NCOR2: variants seen among roughly 807,000 people sequenced by gnomAD.
The protein encoded by NCOR2 is nuclear receptor corepressor 2, also known as CTG repeat protein 26.
A neutral mutation model predicts 262.9 loss-of-function variants in NCOR2; 81 were observed. That is an observed-to-expected ratio of 0.31 (90% CI 0.26 to 0.37). The LOEUF (loss-of-function observed/expected upper bound fraction) is 0.37. NCOR2 is among the 10% of genes least tolerant of loss of function. NCOR2 has a pLI of 1.00. For missense variants in NCOR2, 3,385 were observed against 3,621.4 expected (o/e 0.93, Z 1.68); for synonymous variants, 1,659 against 1,559.3 (o/e 1.06, Z -1.51).
At chr12:124,491,529 G>A (rs1183917122) in intron 1 of NCOR2, among the ~76,000 whole-genome samples, 1 of 152,204 alleles carries the variant, frequency 6.6e-6, no homozygotes, top group Non-Finnish European at 1.5e-5. Context: ...GCATAGAGAG[G>A]TTAAGTAACT....
chr12:124,379,847 A>C (rs1449272389), intron 17 of NCOR2, among the ~76,000 whole-genome samples: 6 of 152,256 alleles, frequency 3.9e-5, no homozygotes, highest in Admixed American at 3.9e-4. Context: ...ATTCAGGGAC[A>C]CGAAGGCCCT....
At chr12:124,474,005 A>G (rs946086451) in intron 3 of NCOR2, among the ~76,000 whole-genome samples, 3 of 152,148 alleles carry the variant, frequency 2.0e-5, no homozygotes, top group African/African-American at 7.2e-5. Flanking sequence ...TGCTACATGA[A>G]TGGTTTCCCA....
chr12:124,355,496 G>A, exon 24 of NCOR2: 2 of 1,611,052 alleles, frequency 1.2e-6, no homozygotes, highest in Non-Finnish European at 1.7e-6. Flanking sequence ...GATGAGGGGA[G>A]GCGGGTTGGA....
At chr12:124,528,717 A>G (rs1285287580) in intron 1 of NCOR2, among the ~76,000 whole-genome samples, 1 of 152,220 alleles carries the variant, frequency 6.6e-6, no homozygotes, top group African/African-American at 2.4e-5. Flanking sequence ...AATTCTTGGC[A>G]TGACCCTCTG....
chr12:124,371,732 C>T (rs1041648381), intron 20 of NCOR2, among the ~76,000 whole-genome samples: 1 of 152,120 alleles, frequency 6.6e-6, no homozygotes, highest in Non-Finnish European at 1.5e-5. Flanking sequence ...CCCTAGGAAG[C>T]GAGCAGGCTG....
chr12:124,354,771 C>G (rs2271140), intron 25 of NCOR2, 66 bp downstream of exon 27: 3 of 1,492,028 alleles, frequency 2.0e-6, no homozygotes, highest in Non-Finnish European at 2.8e-6. Context: ...CTTCCTCCCC[C>G]GCCCCACCCA....
At chr12:124,327,464 A>C in exon 45 of NCOR2, 1 of 1,613,266 alleles carries the variant, frequency 6.2e-7, no homozygotes, top group Non-Finnish European at 8.5e-7. Flanking sequence ...TGGGCATAGC[A>C]GCGGGCAGGC....
At chr12:124,345,070 C>T in intron 31 of NCOR2, 119 bp from the exon 34 acceptor site, 1 of 916,854 alleles carries the variant, frequency 1.1e-6, no homozygotes, top group Non-Finnish European at 1.6e-6. Flanking sequence ...CATCTGATGC[C>T]TCCAGAGGCA....
intron 16 of NCOR2, among the ~76,000 whole-genome samples, chr12:124,393,699 T>C (rs1412660878): frequency 6.6e-6 from 1 of 152,232 alleles, no homozygotes; most frequent in Non-Finnish European, 1.5e-5. Context: ...AAATCCCAGC[T>C]CTACCACTTC....
Position 124,457,067 on chromosome 12 carries a change from C to T in NCOR2, c.762+39G>A, listed in dbSNP as rs764994034. ...CCCTGCCCACCTCTCCAGCCACCCC[C>T]GCCCTCCCCTGAGCCCCTGACCCTG... On this transcript the variant is annotated intron_variant, in intron 6 of 46. Coordinates refer to ENST00000405201, the Ensembl canonical transcript of NCOR2. The surrounding 1 kb of genome is among the most constrained non-coding windows in gnomAD (Gnocchi z 4.0). 39 of 1,267,188 alleles carry T rather than the reference C, an allele frequency of 3.1e-5. 1 individual carries two copies. In the Middle Eastern group the frequency reaches 8.1e-4, roughly 26 times the overall value. 78.5% of individuals were successfully genotyped at this position (1,267,188 alleles called of 1,614,324 possible). A position where few individuals can be genotyped will look rare whatever the true frequency, so the allele number is the denominator to read the frequency against.
intron 19 of NCOR2, 76 bp downstream of exon 21, chr12:124,374,337 T>C (rs1006286704): frequency 3.3e-5 from 48 of 1,471,656 alleles, no homozygotes; most frequent in Non-Finnish European, 4.4e-5. Context: ...GCGGGGTTCC[T>C]TGTGGAGGAC....
At chr12:124,371,928 C>T in intron 20 of NCOR2, 94 bp downstream of exon 22, 1 of 1,292,348 alleles carries the variant, frequency 7.7e-7, no homozygotes, top group Non-Finnish European at 1.0e-6. Flanking sequence ...CCAAAGCAGG[C>T]AGAGCCAGAC....
chr12:124,511,576 G>A (rs2049396738), intron 1 of NCOR2, among the ~76,000 whole-genome samples: 1 of 152,196 alleles, frequency 6.6e-6, no homozygotes, highest in South Asian at 2.1e-4. Flanking sequence ...TCTGGGTCCT[G>A]TCCCCTTAGC....
In NCOR2 at chr12:124,523,259, C is replaced by T. The variant is rs2050283797; in HGVS notation, c.-118+12306G>A. On this transcript the variant is annotated intron_variant, in intron 1 of 46. Coordinates refer to the NCOR2 transcript ENST00000404621. This position sits in a 1 kb window ranked among gnomAD's most constrained non-coding sequence, Gnocchi z 4.0. ...TTGCTCACTCAAGACTCACTTCCAA[C>T]TGCAGCACCATCCGGCACGCCAGAA... 6.6e-6 allele frequency among the ~76,000 whole-genome samples: 1 copy of T among 152,232 alleles called. No homozygotes were observed. The highest frequency in any genetic ancestry group is 1.5e-5 in the Non-Finnish European group (1 of 68,044).
At chr12:124,458,337 G>T (rs1243885) in intron 5 of NCOR2, among the ~76,000 whole-genome samples, 2 of 152,150 alleles carry the variant, frequency 1.3e-5, no homozygotes, top group East Asian at 3.9e-4. Flanking sequence ...GGCGTGGCAG[G>T]CCAGCATCAC....
At chr12:124,362,966 A>G (rs2038729715) in intron 21 of NCOR2, among the ~76,000 whole-genome samples, 1 of 152,068 alleles carries the variant, frequency 6.6e-6, no homozygotes, top group Non-Finnish European at 1.5e-5. Context: ...GGACAGGGGG[A>G]GCCCACCTCC....
chr12:124,331,252 G>T (rs1170823656), intron 43 of NCOR2, among the ~76,000 whole-genome samples: 2 of 151,806 alleles, frequency 1.3e-5, no homozygotes, highest in African/African-American at 2.4e-5. Context: ...TAGTAGAGAC[G>T]GGGTTTCACC....
chr12:124,417,257 C>T (rs1386631612), intron 13 of NCOR2, among the ~76,000 whole-genome samples: 9 of 151,834 alleles, frequency 5.9e-5, no homozygotes, highest in East Asian at 1.9e-4. Context: ...ACTCACTCCA[C>T]GGAGAGCAGG....
chr12:124,519,012 C>T (rs899697956), intron 1 of NCOR2, among the ~76,000 whole-genome samples: 23 of 150,914 alleles, frequency 1.5e-4, no homozygotes, highest in African/African-American at 5.1e-4. Context: ...GAAAAGAAAG[C>T]GTGACCCCCT....
Sources: allele counts gnomAD v4.1 joint callset (sites outside exome capture counted in the v4.1 genomes callset), GRCh38; gene constraint gnomAD v4.1.1; non-coding constraint Gnocchi (gnomAD v3.1); transcripts MANE v1.5; gene names NCBI Gene and HGNC (gene_info 2026-07-23, HGNC 2026-07-21).